BMP7: variants seen among roughly 807,000 people sequenced by gnomAD.
The protein encoded by BMP7 is osteogenic protein 1.
A neutral mutation model predicts 41.2 loss-of-function variants in BMP7; 12 were observed. The ratio of observed to expected loss-of-function variants is 0.29; its 90% CI spans 0.19 to 0.47. BMP7 has a LOEUF of 0.47. BMP7 is among the 20% of genes least tolerant of loss of function. The pLI is 0.99. For synonymous variants in BMP7, 248 were observed against 250.0 expected, an observed-to-expected ratio of 0.99 and a Z score of 0.07; for missense variants, 467 against 606.0, an observed-to-expected ratio of 0.77 and a Z score of 2.41.
At position 57,250,195 on chromosome 20, in the gene BMP7, C is replaced by A. The variant is rs2066106390; in HGVS notation, c.418+15510G>T. Among the ~76,000 whole-genome samples the A allele has an allele frequency of 2.6e-5, 4 of 151,772 alleles. No individual in the cohort carries two copies. The South Asian group carries it at 8.3e-4, about 32-fold the overall frequency. ...CCTATAATCCCAGCACTTTGGGAGG[C>A]TGAGGCAGGAGGACTGCTTGAGCCC... On this transcript the variant is annotated intron_variant, in intron 1 of 6. Transcript: ENST00000395863.
intron 2 of BMP7, among the ~76,000 whole-genome samples, chr20:57,204,634 T>C (rs1984692612): frequency 6.6e-6 from 1 of 152,094 alleles, no homozygotes; most frequent in Non-Finnish European, 1.5e-5. Flanking sequence ...CATCCAAAAC[T>C]CTGGGGGACA....
At position 57,259,205 on chromosome 20, in the gene BMP7, C is replaced by G. The variant is rs1295748443; in HGVS notation, c.418+6500G>C. On this transcript the variant is annotated intron_variant, in intron 1 of 6. Coordinates refer to ENST00000395863, the MANE Select transcript of BMP7 (RefSeq NM_001719.3). The surrounding 1 kb of genome is among the most constrained non-coding windows in gnomAD (Gnocchi z 4.7). ...GAACTTCCGTTACACGGCAGTGAAG[C>G]CCCCAATCCCCCACCCCATATATCA... 6.6e-6 allele frequency among the ~76,000 whole-genome samples: 1 copy of G among 152,102 alleles called. No individual in the cohort carries two copies. The highest frequency in any genetic ancestry group is 1.5e-5 in the Non-Finnish European group (1 of 68,028).
intron 1 of BMP7, among the ~76,000 whole-genome samples, chr20:57,242,361 G>A (rs541463604): frequency 2.0e-5 from 3 of 152,288 alleles, no homozygotes; most frequent in East Asian, 3.9e-4. Context: ...CAGACAGGCA[G>A]AGCTCAAGAG....
intron 4 of BMP7, chr20:57,177,689 A>C (rs554339592): frequency 6.6e-6 from 1 of 152,366 alleles, no homozygotes; most frequent in South Asian, 2.1e-4. Context: ...AAAGATATGC[A>C]CACCAATAAC....
At chr20:57,198,414 G>C (rs539950506) in intron 3 of BMP7, among the ~76,000 whole-genome samples, 182 of 152,286 alleles carry the variant, frequency 1.2e-3, no homozygotes, top group Non-Finnish European at 1.2e-3. Flanking sequence ...CTGTATTAAG[G>C]GAAAGACAAA....
intron 1 of BMP7, among the ~76,000 whole-genome samples, chr20:57,256,638 C>T (rs1248922512): frequency 1.3e-5 from 2 of 152,170 alleles, no homozygotes; most frequent in East Asian, 1.9e-4. Flanking sequence ...GAGGCCAAGG[C>T]GGGTGGATAA....
At chr20:57,211,417 C>T (rs1183437267) in intron 2 of BMP7, among the ~76,000 whole-genome samples, 1 of 150,624 alleles carries the variant, frequency 6.6e-6, no homozygotes, top group African/African-American at 2.5e-5. Flanking sequence ...TGGCCCAGGC[C>T]CACCATCAAA....
At chr20:57,234,150 T>C (rs190219315) in intron 1 of BMP7, among the ~76,000 whole-genome samples, 21 of 152,294 alleles carry the variant, frequency 1.4e-4, no homozygotes, top group African/African-American at 5.1e-4. Context: ...AGTTGAGCCA[T>C]GGGACTCCAA....
At chr20:57,188,258 T>C (rs901899341) in intron 3 of BMP7, among the ~76,000 whole-genome samples, 5 of 152,220 alleles carry the variant, frequency 3.3e-5, no homozygotes, top group Admixed American at 2.6e-4. Flanking sequence ...TAGTGGAATA[T>C]TGTTTGCCAT....
intron 3 of BMP7, among the ~76,000 whole-genome samples, chr20:57,190,903 T>G (rs113378620): frequency 0.01 from 1,597 of 152,246 alleles, 26 homozygotes; most frequent in African/African-American, 0.037. Flanking sequence ...GCAGTGGGCA[T>G]CGGGGCTGCC....
rs1039222003 is a variant in BMP7 at position 57,228,594 on chromosome 20, C to T, written c.419-173G>A. On this transcript the variant is annotated intron_variant, in intron 1 of 6. Transcript: ENST00000395863. The surrounding 1 kb of genome is among the most constrained non-coding windows in gnomAD (Gnocchi z 4.5). Reference sequence around the variant, plus strand: ...CAACACACTGTAGACTGGAGGGTCACAGGCTCAGACCCCATGGTCCCCATG... The same window carrying T: ...CAACACACTGTAGACTGGAGGGTCATAGGCTCAGACCCCATGGTCCCCATG... 6.6e-6 allele frequency among the ~76,000 whole-genome samples: 1 copy of T among 152,204 alleles called. No homozygotes were observed. The highest frequency in any genetic ancestry group is 6.5e-5 in the Admixed American group (1 of 15,286).
At chr20:57,186,768 G>A (rs1265841120) in intron 3 of BMP7, among the ~76,000 whole-genome samples, 2 of 152,140 alleles carry the variant, frequency 1.3e-5, no homozygotes, top group Non-Finnish European at 2.9e-5. Context: ...AGCCTCCCAG[G>A]ACCAGATCAG....
intron 2 of BMP7, among the ~76,000 whole-genome samples, chr20:57,203,336 C>T (rs1393141713): frequency 1.3e-5 from 2 of 152,032 alleles, no homozygotes; most frequent in East Asian, 3.9e-4. Context: ...ATTAACTTGA[C>T]AGGGGATGGA....
At position 57,202,537 on chromosome 20, in the gene BMP7, T is replaced by A; in HGVS notation, c.698A>T (p.Asn233Ile). 1 of 1,609,080 alleles carries A rather than the reference T, an allele frequency of 6.2e-7. No individual in the cohort carries two copies. Among genetic ancestry groups the A allele is most frequent in the African/African-American group, 1.3e-5 (1 of 74,098 alleles). The stretch of plus-strand genomic sequence containing the variant: ...GTGCCGCGGATTGACCACCCAGTGG[T>A]TGCTGGTGGCTGTGATGTCAAACAC... Reference protein sequence around the residue: ...WLVFDITATSNHWVVNPRHNL... With the variant: ...WLVFDITATSIHWVVNPRHNL... The change falls in exon 3 of 7, where the codon AAC becomes ATC. Residue 233 changes from asparagine (N) to isoleucine (I), a missense_variant. Transcript: ENST00000395863.
intron 1 of BMP7, among the ~76,000 whole-genome samples, chr20:57,245,828 T>C (rs1242710757): frequency 2.0e-5 from 3 of 151,428 alleles, no homozygotes; most frequent in African/African-American, 7.3e-5. Context: ...TTAGTGGAGA[T>C]GGGGTTTCAC....
Position 57,174,945 on chromosome 20 carries a change from C to A in BMP7, c.1021G>T (p.Asp341Tyr). The A allele has an allele frequency of 6.2e-7, 1 of 1,611,976 alleles. No homozygotes were observed. Among genetic ancestry groups the A allele is most frequent in the Non-Finnish European group, 8.5e-7 (1 of 1,179,842 alleles). ...CAGCCCCTTACCTGCCAGCCCAGGT[C>A]TCGGAAGCTGACATACAGCTCGTGC... Reference protein sequence around the residue: ...KKHELYVSFRDLGWQDWIIAP... With the variant: ...KKHELYVSFRYLGWQDWIIAP... The change falls in exon 5 of 7, where the codon GAC becomes TAC. Residue 341 changes from aspartate (D) to tyrosine (Y), a missense_variant. Asp to Tyr is a radical substitution (Grantham distance 160). Coordinates refer to ENST00000395863, the MANE Select transcript of BMP7 (RefSeq NM_001719.3). The surrounding 1 kb of genome is among the most constrained non-coding windows in gnomAD (Gnocchi z 4.3).
In BMP7 at chr20:57,228,420, C is replaced by T; in HGVS notation, c.420G>A (p.Val140=). 1.2e-6 allele frequency: 2 copies of T among 1,614,106 alleles called. No homozygotes were observed. Among genetic ancestry groups the T allele is most frequent in the Non-Finnish European group, 8.5e-7 (1 of 1,179,982 alleles). Reference sequence around the variant, plus strand: ...GGTGGAAGAATTCCTTGTCATGTTCCACTGGAAGAGGAAGAGAACACACAC... The same window carrying T: ...GGTGGAAGAATTCCTTGTCATGTTCTACTGGAAGAGGAAGAGAACACACAC... ...ADMVMSFVNL[V]EHDKEFFHPR... is the part of the protein sequence containing the mutation. Residue 140 remains valine, a splice_region_variant and synonymous_variant, in exon 2 of 7, where the codon GTG becomes GTA. Coordinates refer to ENST00000395863, the MANE Select transcript of BMP7 (RefSeq NM_001719.3). The surrounding 1 kb of genome is among the most constrained non-coding windows in gnomAD (Gnocchi z 4.5).
At chr20:57,233,547 C>T (rs6025454) in intron 1 of BMP7, among the ~76,000 whole-genome samples, 31,481 of 152,160 alleles carry the variant, frequency 0.21, 5,326 homozygotes, top group African/African-American at 0.47. Context: ...CCCACCTGGG[C>T]GCCCCCCCTT....
chr20:57,228,127 C>T lies in BMP7; in HGVS notation c.611+102G>A, dbSNP rs192167772. The T allele has an allele frequency of 7.4e-4, 968 of 1,300,836 alleles. 4 individuals are homozygous for T. The highest frequency in any genetic ancestry group is 5.2e-3 in the South Asian group (436 of 84,060). 80.6% of individuals were successfully genotyped at this position (1,300,836 alleles called of 1,614,324 possible). A position where few individuals can be genotyped will look rare whatever the true frequency, so the allele number is the denominator to read the frequency against. ...GGATAATCTGGTACAGGGCCTGGCACGTGGTTGTGCCAATCTGACCCATCC... is the reference window on the plus strand; with the variant it reads ...GGATAATCTGGTACAGGGCCTGGCATGTGGTTGTGCCAATCTGACCCATCC... On this transcript the variant is annotated intron_variant, in intron 2 of 6. Coordinates refer to ENST00000395863, the MANE Select transcript of BMP7 (RefSeq NM_001719.3). This position sits in a 1 kb window ranked among gnomAD's most constrained non-coding sequence, Gnocchi z 4.5.
Sources: allele counts gnomAD v4.1 joint callset (sites outside exome capture counted in the v4.1 genomes callset), GRCh38; gene constraint gnomAD v4.1.1; non-coding constraint Gnocchi (gnomAD v3.1); transcripts MANE v1.5; gene names NCBI Gene and HGNC (gene_info 2026-07-23, HGNC 2026-07-21).